Variants in STK24 observed in about 807,000 individuals in gnomAD.
STK24 encodes the protein serine/threonine-protein kinase 24.
STK24 carries 21 observed loss-of-function variants against 55.6 expected under a neutral mutation model. That is an observed-to-expected ratio of 0.38 (90% CI 0.27 to 0.54). The LOEUF is 0.54. Among genes scored for constraint, STK24 ranks in the 20% least tolerant of loss-of-function variants. The pLI is 0.79. For synonymous variants in STK24, 200 were observed against 215.2 expected (o/e 0.93, Z 0.62); for missense variants, 383 against 538.4 (o/e 0.71, Z 2.86).
rs1180327064 is a variant in STK24 at position 98,450,936 on chromosome 13, C to G, written c.*2237G>C. The G allele has an allele frequency of 2.0e-5, 3 of 152,166 alleles. No individual in the cohort carries two copies. The highest frequency in any genetic ancestry group is 1.3e-4 in the Admixed American group (2 of 15,276). 9.4% of individuals were successfully genotyped at this position (152,166 alleles called of 1,614,324 possible). A position where few individuals can be genotyped will look rare whatever the true frequency, so the allele number is the denominator to read the frequency against. On this transcript the variant is annotated 3_prime_UTR_variant, in exon 11 of 11. Coordinates refer to ENST00000539966, the MANE Select transcript of STK24 (RefSeq NM_001032296.4). ...GGCGAGCTTTCTAACTCCATCAAAC[C>G]CCACCTCCCCCGACAGGAAATGCTG...
rs1279858835 is a variant in STK24, at chr13:98,445,474, C to T, written c.*7699G>A. On this transcript the variant is annotated 3_prime_UTR_variant, in exon 11 of 11. Transcript: ENST00000539966. Reference sequence around the variant, plus strand: ...CTCCAGGGGCTGGGCCGGCCCTGAGCCTGGAGGTGGGCAGGGCTGCAACTG... The same window carrying T: ...CTCCAGGGGCTGGGCCGGCCCTGAGTCTGGAGGTGGGCAGGGCTGCAACTG... The T allele has an allele frequency of 3.3e-5, 5 of 152,266 alleles. No homozygotes were observed. Among genetic ancestry groups the T allele is most frequent in the Admixed American group, 2.6e-4 (4 of 15,292 alleles). The allele number at this position is 152,266 out of a possible 1,614,324, so 9.4% of individuals were successfully genotyped here.
At chr13:98,566,177 A>T (rs1388230545) in intron 1 of STK24, among the ~76,000 whole-genome samples, 2 of 152,240 alleles carry the variant, frequency 1.3e-5, no homozygotes, top group Non-Finnish European at 2.9e-5. Context: ...CCCTCAATGA[A>T]ATGGAGATTT....
intron 6 of STK24, among the ~76,000 whole-genome samples, chr13:98,465,002 T>C (rs1341003036): frequency 6.6e-6 from 1 of 152,104 alleles, no homozygotes; most frequent in Non-Finnish European, 1.5e-5. Flanking sequence ...TCCCTTGTGA[T>C]TGGGCTGAGG....
intron 3 of STK24, among the ~76,000 whole-genome samples, chr13:98,477,521 A>G (rs562688066): frequency 1.3e-5 from 2 of 152,180 alleles, no homozygotes; most frequent in African/African-American, 4.8e-5. Context: ...AAAAACACAG[A>G]AAAATTAGCC....
chr13:98,534,940 CCT>C (rs1205245109), intron 1 of STK24, among the ~76,000 whole-genome samples: 10 of 152,224 alleles, frequency 6.6e-5, no homozygotes, highest in Non-Finnish European at 1.5e-4. Flanking sequence ...TTGCAATTCC[CCT>C]GTCTTGATAA....
At chr13:98,568,840 G>A (rs1897658648) in intron 1 of STK24, among the ~76,000 whole-genome samples, 1 of 152,170 alleles carries the variant, frequency 6.6e-6, no homozygotes, top group Non-Finnish European at 1.5e-5. Context: ...TTGCACTCCA[G>A]CCTGGGTGAC....
chr13:98,571,370 G>A (rs570225220), intron 1 of STK24, among the ~76,000 whole-genome samples: 185 of 152,244 alleles, frequency 1.2e-3, no homozygotes, highest in African/African-American at 4.4e-3. Context: ...AAGCAATGAT[G>A]CCAGCCGCCA....
At chr13:98,554,819 A>G (rs1255031355) in intron 1 of STK24, among the ~76,000 whole-genome samples, 1 of 152,052 alleles carries the variant, frequency 6.6e-6, no homozygotes, top group Non-Finnish European at 1.5e-5. Flanking sequence ...GTTCGAGACT[A>G]GCTTGACCAA....
chr13:98,479,598 T>C (rs947855881), intron 3 of STK24, among the ~76,000 whole-genome samples: 4 of 152,070 alleles, frequency 2.6e-5, no homozygotes, highest in African/African-American at 9.7e-5. Flanking sequence ...GGGCCCGAGA[T>C]TTATGTATAT....
Position 98,446,855 on chromosome 13 carries a change from G to C in STK24, c.*6318C>G. On this transcript the variant is annotated 3_prime_UTR_variant, in exon 11 of 11. Transcript: ENST00000539966. ...TTCCCACGCACAGGGCCCTGCAGAA[G>C]AGGACCCCCTCTTCCAAACATCAGG... 2 of 1,607,046 alleles carry C rather than the reference G, an allele frequency of 1.2e-6. No individual in the cohort carries two copies. Among genetic ancestry groups the C allele is most frequent in the Non-Finnish European group, 1.7e-6 (2 of 1,174,542 alleles).
intron 1 of STK24, among the ~76,000 whole-genome samples, chr13:98,554,832 T>C (rs1227043134): frequency 6.6e-6 from 1 of 151,780 alleles, no homozygotes; most frequent in East Asian, 1.9e-4. Flanking sequence ...TTGACCAACA[T>C]GGTGAAACCC....
intron 5 of STK24, among the ~76,000 whole-genome samples, chr13:98,471,414 C>T (rs1894139250): frequency 6.6e-6 from 1 of 152,200 alleles, no homozygotes; most frequent in Non-Finnish European, 1.5e-5. Context: ...TTCTTCAGCC[C>T]AAGACCTTTC....
rs1414828591 is a variant in STK24 at position 98,453,080 on chromosome 13, G to A, written c.*93C>T. The A allele has an allele frequency of 4.1e-6, 6 of 1,462,830 alleles. No homozygotes were observed. In the African/African-American group the frequency reaches 5.6e-5, roughly 14 times the overall value. 90.6% of individuals were successfully genotyped at this position (1,462,830 alleles called of 1,614,324 possible). On this transcript the variant is annotated 3_prime_UTR_variant, in exon 11 of 11. Coordinates refer to ENST00000539966, the MANE Select transcript of STK24 (RefSeq NM_001032296.4). ...TGGCTCCCAGTGGCGCACCTCTTCGGTGGAGTCAGCGAAGGCTCTCGTTGA... is the reference window on the plus strand; with the variant it reads ...TGGCTCCCAGTGGCGCACCTCTTCGATGGAGTCAGCGAAGGCTCTCGTTGA...
intron 1 of STK24, chr13:98,543,029 C>T: frequency 2.0e-6 from 2 of 985,372 alleles, no homozygotes; most frequent in Non-Finnish European, 2.4e-6. Context: ...GGCCCAAAGA[C>T]TGAAGCCTCC....
At chr13:98,555,591 A>G (rs866010298) in intron 1 of STK24, among the ~76,000 whole-genome samples, 4 of 152,006 alleles carry the variant, frequency 2.6e-5, no homozygotes, top group Non-Finnish European at 5.9e-5. Flanking sequence ...TAAAAAAAAT[A>G]TATAAATAAA....
chr13:98,448,426 T>G lies in STK24; in HGVS notation c.*4747A>C, dbSNP rs1892998668. 6.5e-6 allele frequency: 6 copies of G among 916,394 alleles called. No individual in the cohort carries two copies. In the Admixed American group the frequency reaches 9.5e-5, roughly 15 times the overall value. 56.8% of individuals were successfully genotyped at this position (916,394 alleles called of 1,614,324 possible). On this transcript the variant is annotated 3_prime_UTR_variant, in exon 11 of 11. Transcript: ENST00000539966. ...AACACCTGTCTGAAAATCAAAAACATGGCTTCCCAGCAGCTCTCCTGTCTC... is the reference window on the plus strand; with the variant it reads ...AACACCTGTCTGAAAATCAAAAACAGGGCTTCCCAGCAGCTCTCCTGTCTC...
At chr13:98,517,062 T>C (rs951308534) in intron 2 of STK24, among the ~76,000 whole-genome samples, 2 of 152,186 alleles carry the variant, frequency 1.3e-5, no homozygotes, top group Admixed American at 6.5e-5. Flanking sequence ...GGAGCTGAGG[T>C]TGAACAAGAT....
Position 98,559,446 on chromosome 13 carries a change from G to A in STK24, c.42+17299C>T, listed in dbSNP as rs1566404996. On this transcript the variant is annotated intron_variant, in intron 1 of 10. Transcript: ENST00000539966. Reference sequence around the variant, plus strand: ...TGACTTTGCTCTTCTTTTGCCTTCCGCCATGACTGTGAGGCCTCCCCAACC... The same window carrying A: ...TGACTTTGCTCTTCTTTTGCCTTCCACCATGACTGTGAGGCCTCCCCAACC... 2.0e-5 allele frequency among the ~76,000 whole-genome samples: 3 copies of A among 152,186 alleles called. No individual in the cohort carries two copies. The East Asian group carries it at 5.8e-4, about 29-fold the overall frequency.
In STK24 at chr13:98,448,804, AT is replaced by A. The variant is rs371664583; in HGVS notation, c.*4368del. On this transcript the variant is annotated 3_prime_UTR_variant, in exon 11 of 11. Coordinates refer to ENST00000539966, the MANE Select transcript of STK24 (RefSeq NM_001032296.4). The stretch of plus-strand genomic sequence containing the variant: ...GCAAATGAGATCATTTTCAGATTTC[AT>A]TTTTTTTTTCAGTCTTTCTACTTTT... 187 of 80,166 alleles carry A rather than the reference AT, an allele frequency of 2.3e-3. 1 individual carries two copies. The Middle Eastern group carries it at 0.056, about 24-fold the overall frequency. 5.0% of individuals were successfully genotyped at this position (80,166 alleles called of 1,614,324 possible).
Sources: allele counts gnomAD v4.1 joint callset (sites outside exome capture counted in the v4.1 genomes callset), GRCh38; gene constraint gnomAD v4.1.1; transcripts MANE v1.5; gene names NCBI Gene and HGNC (gene_info 2026-07-23, HGNC 2026-07-21).